PLPP4: variants seen among roughly 807,000 people sequenced by gnomAD.
The protein encoded by PLPP4 is diacylglycerol pyrophosphate like 2.
In PLPP4, 20 loss-of-function variants were observed where a neutral mutation model predicts 32.2. The ratio of observed to expected loss-of-function variants is 0.62; its 90% CI spans 0.44 to 0.90. The LOEUF (loss-of-function observed/expected upper bound fraction) is 0.90. PLPP4 is among the 40% of genes least tolerant of loss of function. The pLI is 0.00. For missense variants in PLPP4, 257 were observed against 353.1 expected, an observed-to-expected ratio of 0.73 and a Z score of 2.18; for synonymous variants, 127 against 133.0, an observed-to-expected ratio of 0.95 and a Z score of 0.31.
intron 5 of PLPP4, among the ~76,000 whole-genome samples, chr10:120,555,328 G>T (rs1357689443): frequency 6.6e-6 from 1 of 152,088 alleles, no homozygotes; most frequent in Non-Finnish European, 1.5e-5. Flanking sequence ...TCCCCAACTG[G>T]CTTTTTTCTA....
At chr10:120,482,121 A>G (rs1267516413) in intron 1 of PLPP4, among the ~76,000 whole-genome samples, 1 of 152,332 alleles carries the variant, frequency 6.6e-6, no homozygotes, top group East Asian at 1.9e-4. Context: ...GGACTAATAC[A>G]GTAAATTGGT....
In PLPP4 at chr10:120,574,578, T is replaced by A. The variant is rs182426767; in HGVS notation, c.446-553T>A. Reference sequence around the variant, plus strand: ...CATCAAACTCACTCTTTTGTAGCATTTGCTGGTCCCATCTTACTGAATGCC... The same window carrying A: ...CATCAAACTCACTCTTTTGTAGCATATGCTGGTCCCATCTTACTGAATGCC... On this transcript the variant is annotated intron_variant, in intron 5 of 6. Coordinates refer to ENST00000398250, the MANE Select transcript of PLPP4 (RefSeq NM_001030059.3). 2.4e-3 allele frequency among the ~76,000 whole-genome samples: 369 copies of A among 152,320 alleles called. 7 individuals are homozygous for A. The highest frequency in any genetic ancestry group is 8.4e-3 in the African/African-American group (348 of 41,584).
At chr10:120,511,697 G>C (rs1845733588) in intron 2 of PLPP4, among the ~76,000 whole-genome samples, 1 of 152,148 alleles carries the variant, frequency 6.6e-6, no homozygotes, top group African/African-American at 2.4e-5. Context: ...TTTAGTAAGT[G>C]GTGCTTCAAT....
chr10:120,486,004 A>G (rs760581865), intron 1 of PLPP4, among the ~76,000 whole-genome samples: 8 of 152,134 alleles, frequency 5.3e-5, no homozygotes, highest in African/African-American at 1.9e-4. Flanking sequence ...CCCAAACCCT[A>G]AAACTCTGTA....
intron 4 of PLPP4, among the ~76,000 whole-genome samples, chr10:120,520,335 G>A (rs955193020): frequency 1.3e-5 from 2 of 152,224 alleles, no homozygotes; most frequent in Non-Finnish European, 2.9e-5. Context: ...GGAAGGGCAA[G>A]TGGCCACCCA....
intron 5 of PLPP4, among the ~76,000 whole-genome samples, chr10:120,542,178 T>C (rs1415222957): frequency 2.0e-5 from 3 of 152,108 alleles, no homozygotes; most frequent in Non-Finnish European, 2.9e-5. Flanking sequence ...TCCAGGAATA[T>C]TGGTTAGTGG....
At chr10:120,580,153 G>A (rs897476425) in intron 6 of PLPP4, among the ~76,000 whole-genome samples, 4 of 150,708 alleles carry the variant, frequency 2.7e-5, no homozygotes, top group Non-Finnish European at 4.4e-5. Context: ...AAGAAAGAAT[G>A]GAGAAGTGGG....
chr10:120,553,044 G>A (rs182990406), intron 5 of PLPP4, among the ~76,000 whole-genome samples: 1 of 152,198 alleles, frequency 6.6e-6, no homozygotes, highest in Non-Finnish European at 1.5e-5. Context: ...TTATGAGATT[G>A]CATGGGGAAG....
chr10:120,566,032 C>A (rs1271930778), intron 5 of PLPP4, among the ~76,000 whole-genome samples: 1 of 151,950 alleles, frequency 6.6e-6, no homozygotes, highest in Non-Finnish European at 1.5e-5. Context: ...TCTATTTGGT[C>A]TTTTTAAAAC....
At chr10:120,585,590 A>C (rs1163734905) in intron 6 of PLPP4, among the ~76,000 whole-genome samples, 1 of 152,190 alleles carries the variant, frequency 6.6e-6, no homozygotes, top group Non-Finnish European at 1.5e-5. Context: ...ATATTATTAA[A>C]TTATCATCAC....
intron 5 of PLPP4, among the ~76,000 whole-genome samples, chr10:120,544,714 T>C (rs1847530837): frequency 6.6e-6 from 1 of 152,226 alleles, no homozygotes. Flanking sequence ...TTGTATGTGT[T>C]ATAGGTTTGG....
chr10:120,466,114 A>T (rs1182871553), intron 1 of PLPP4, among the ~76,000 whole-genome samples: 1 of 152,136 alleles, frequency 6.6e-6, no homozygotes, highest in Non-Finnish European at 1.5e-5. Flanking sequence ...CTATACCTCT[A>T]AAAGCAATAT....
intron 5 of PLPP4, among the ~76,000 whole-genome samples, chr10:120,559,209 T>C (rs1308387961): frequency 6.6e-6 from 1 of 152,172 alleles, no homozygotes; most frequent in African/African-American, 2.4e-5. Context: ...TTTTTTCTCA[T>C]TAATTATTAG....
chr10:120,538,233 G>A lies in PLPP4; in HGVS notation c.445+17138G>A, dbSNP rs115268811. On this transcript the variant is annotated intron_variant, in intron 5 of 6. Coordinates refer to ENST00000398250, the MANE Select transcript of PLPP4 (RefSeq NM_001030059.3). ...CCAGGCTTGCTTCTTTATGCCTCCC[G>A]GTGAGGCTGGGCTGCCTCTCTTGGC... is the stretch of plus-strand genomic sequence containing the variant. Among the ~76,000 whole-genome samples the A allele has an allele frequency of 5.1e-3, 760 of 150,480 alleles. 10 individuals carry two copies. Among genetic ancestry groups the A allele is most frequent in the African/African-American group, 0.018 (716 of 40,814 alleles).
chr10:120,559,528 A>T (rs1476039036), intron 5 of PLPP4, among the ~76,000 whole-genome samples: 5 of 152,150 alleles, frequency 3.3e-5, no homozygotes, highest in Non-Finnish European at 7.3e-5. Context: ...GCAGGATTTC[A>T]TATTCTGAAT....
chr10:120,568,168 G>T (rs1848772599), intron 5 of PLPP4, among the ~76,000 whole-genome samples: 1 of 152,166 alleles, frequency 6.6e-6, no homozygotes, highest in Admixed American at 6.5e-5. Flanking sequence ...ATCTGATTGG[G>T]CCATGTGGCC....
intron 5 of PLPP4, among the ~76,000 whole-genome samples, chr10:120,553,567 A>G (rs1401988482): frequency 1.3e-5 from 2 of 152,232 alleles, no homozygotes; most frequent in Middle Eastern, 3.2e-3. Flanking sequence ...AGCAGTCCCA[A>G]TGGATTAAAA....
chr10:120,520,207 A>G (rs2133906928), intron 4 of PLPP4, among the ~76,000 whole-genome samples: 1 of 152,250 alleles, frequency 6.6e-6, no homozygotes, highest in Non-Finnish European at 1.5e-5. Flanking sequence ...ATGTGCCTCT[A>G]GAGATCTCTT....
intron 6 of PLPP4, among the ~76,000 whole-genome samples, chr10:120,588,222 A>C (rs1424669319): frequency 1.3e-5 from 2 of 152,236 alleles, no homozygotes; most frequent in African/African-American, 2.4e-5. Flanking sequence ...TAAAGTGAAC[A>C]CACACACAGA....
Sources: gnomAD v4.1 joint callset for allele counts (sites outside exome capture counted in the v4.1 genomes callset) on GRCh38, gnomAD v4.1.1 for gene constraint, MANE v1.5 for transcripts, NCBI Gene and HGNC (gene_info 2026-07-23, HGNC 2026-07-21) for gene names.